The following NRXN1 variants were observed in gnomAD, a reference collection of about 807,000 sequenced individuals.
NRXN1 encodes neurexin-1.
Under a neutral mutation model 150.9 loss-of-function variants are expected in NRXN1, and 39 were observed. The ratio of observed to expected loss-of-function variants is 0.26; its 90% CI spans 0.20 to 0.34. NRXN1 has a LOEUF of 0.34. Among genes scored for constraint, NRXN1 ranks in the 10% least tolerant of loss-of-function variants. The pLI is 1.00. For synonymous variants in NRXN1, 924 were observed against 757.0 expected (o/e 1.22, Z -3.62); for missense variants, 1,815 against 1,949.9 (o/e 0.93, Z 1.30).
intron 17 of NRXN1, among the ~76,000 whole-genome samples, chr2:50,291,150 C>T (rs1300586218): frequency 1.4e-5 from 2 of 138,136 alleles, no homozygotes; most frequent in Non-Finnish European, 3.0e-5. Context: ...AAAAAAAAGG[C>T]TCTGAATTAA....
At chr2:50,787,807 A>G (rs1358147975) in intron 5 of NRXN1, among the ~76,000 whole-genome samples, 1 of 151,746 alleles carries the variant, frequency 6.6e-6, no homozygotes, top group Non-Finnish European at 1.5e-5. Flanking sequence ...TGTGCAGCCG[A>G]GAGGTAAGGA....
intron 18 of NRXN1, among the ~76,000 whole-genome samples, chr2:50,215,638 C>T (rs1156935973): frequency 6.6e-6 from 1 of 151,780 alleles, no homozygotes; most frequent in Admixed American, 6.6e-5. Context: ...AATTTCTGTA[C>T]CTTTTGAAGT....
chr2:50,730,672 C>CTTTTTT (rs56042523), intron 5 of NRXN1, among the ~76,000 whole-genome samples: 38 of 122,008 alleles, frequency 3.1e-4, no homozygotes, highest in Non-Finnish European at 4.7e-4. Flanking sequence ...TTCTTGTTTT[C>CTTTTTT]TTTTTTTTTT....
intron 17 of NRXN1, among the ~76,000 whole-genome samples, chr2:50,444,537 C>T (rs2086235958): frequency 6.6e-6 from 1 of 152,102 alleles, no homozygotes; most frequent in African/African-American, 2.4e-5. Context: ...GCTGCCTCTA[C>T]TCGAATTACG....
chr2:50,562,156 A>C (rs1174983459), intron 8 of NRXN1, among the ~76,000 whole-genome samples: 1 of 152,166 alleles, frequency 6.6e-6, no homozygotes, highest in African/African-American at 2.4e-5. Flanking sequence ...GTCTAGATTA[A>C]TCAATGCATC....
intron 17 of NRXN1, among the ~76,000 whole-genome samples, chr2:50,320,180 T>A (rs192354363): frequency 6.6e-6 from 1 of 150,960 alleles, no homozygotes; most frequent in African/African-American, 2.4e-5. Context: ...ACAATTCTAA[T>A]GAGAAGGGTC....
At chr2:50,088,844 CAT>C (rs977783790) in intron 19 of NRXN1, among the ~76,000 whole-genome samples, 1 of 151,992 alleles carries the variant, frequency 6.6e-6, no homozygotes, top group Non-Finnish European at 1.5e-5. Flanking sequence ...ACACAGGAAC[CAT>C]ATCTTTTTTG....
chr2:50,688,606 ATG>A (rs772762202), intron 5 of NRXN1, among the ~76,000 whole-genome samples: 2 of 152,128 alleles, frequency 1.3e-5, no homozygotes, highest in Non-Finnish European at 2.9e-5. Context: ...AGGATTTCTC[ATG>A]TTCTAACAAA....
At chr2:50,506,461 G>C in intron 13 of NRXN1, 34 bp downstream of exon 13, 1 of 1,591,218 alleles carries the variant, frequency 6.3e-7, no homozygotes, top group Non-Finnish European at 8.6e-7. Context: ...AAAAGCGTTA[G>C]CATAGGAAAA....
intron 5 of NRXN1, among the ~76,000 whole-genome samples, chr2:50,722,669 A>G (rs1696829129): frequency 6.6e-6 from 1 of 152,168 alleles, no homozygotes; most frequent in Non-Finnish European, 1.5e-5. Flanking sequence ...TGTTTTGTAT[A>G]GTGAATATGC....
chr2:50,288,506 A>G (rs2072488613), intron 17 of NRXN1, among the ~76,000 whole-genome samples: 1 of 152,156 alleles, frequency 6.6e-6, no homozygotes, highest in Non-Finnish European at 1.5e-5. Context: ...TGCTGCTAAT[A>G]AAGACATACC....
intron 5 of NRXN1, among the ~76,000 whole-genome samples, chr2:50,669,586 G>C (rs973729841): frequency 2.0e-5 from 3 of 151,438 alleles, no homozygotes; most frequent in Non-Finnish European, 4.4e-5. Context: ...AATTATTTTG[G>C]GTGACACATA....
At chr2:50,661,323 G>A (rs1032137664) in intron 5 of NRXN1, among the ~76,000 whole-genome samples, 1 of 152,046 alleles carries the variant, frequency 6.6e-6, no homozygotes, top group Non-Finnish European at 1.5e-5. Flanking sequence ...CCTACTTTTA[G>A]ACGTGCATTT....
chr2:50,617,966 T>C (rs1239616744), intron 8 of NRXN1, among the ~76,000 whole-genome samples: 1 of 152,218 alleles, frequency 6.6e-6, no homozygotes, highest in Non-Finnish European at 1.5e-5. Context: ...GTGTCTCAGC[T>C]GAACTCAAGG....
intron 2 of NRXN1, among the ~76,000 whole-genome samples, chr2:50,994,879 C>G (rs992475558): frequency 2.0e-5 from 3 of 151,892 alleles, no homozygotes; most frequent in Admixed American, 2.0e-4. Context: ...CACATACAAA[C>G]GGTGATGCAA....
intron 12 of NRXN1, among the ~76,000 whole-genome samples, chr2:50,522,728 T>TTCC (rs2092826157): frequency 2.8e-5 from 3 of 105,780 alleles, no homozygotes; most frequent in African/African-American, 3.6e-5. Context: ...TCATTTTTTT[T>TTCC]TTTTTTTTTT....
intron 17 of NRXN1, among the ~76,000 whole-genome samples, chr2:50,414,418 T>G (rs1474968553): frequency 6.6e-6 from 1 of 152,148 alleles, no homozygotes; most frequent in African/African-American, 2.4e-5. Flanking sequence ...ATATACCCCA[T>G]AAATATACTC....
At chr2:50,619,732 AC>A in intron 8 of NRXN1, 1 of 408,392 alleles carries the variant, frequency 2.4e-6, no homozygotes, top group East Asian at 3.5e-5. Flanking sequence ...TCAACTTTAG[AC>A]CCAGTATCTC....
intron 22 of NRXN1, among the ~76,000 whole-genome samples, chr2:49,925,074 G>A (rs182835158): frequency 3.6e-4 from 54 of 152,070 alleles, no homozygotes; most frequent in Middle Eastern, 3.4e-3. Context: ...AGTGGATCAC[G>A]AGGTCAAGAG....
Sources: gnomAD v4.1 joint callset for allele counts (sites outside exome capture counted in the v4.1 genomes callset) on GRCh38, gnomAD v4.1.1 for gene constraint, MANE v1.5 for transcripts, NCBI Gene and HGNC (gene_info 2026-07-23, HGNC 2026-07-21) for gene names.